SYT1: variants seen among roughly 807,000 people sequenced by gnomAD.
SYT1 encodes synaptotagmin-1.
A neutral mutation model predicts 44.8 loss-of-function variants in SYT1; 8 were observed. The ratio of observed to expected loss-of-function variants is 0.18; its 90% CI spans 0.10 to 0.32. SYT1 has a LOEUF of 0.32. SYT1 is among the 10% of genes least tolerant of loss of function. SYT1 has a pLI of 1.00. For synonymous variants in SYT1, 154 were observed against 188.8 expected, an observed-to-expected ratio of 0.82 and a Z score of 1.51; for missense variants, 286 against 509.3, an observed-to-expected ratio of 0.56 and a Z score of 4.22.
intron 4 of SYT1, among the ~76,000 whole-genome samples, chr12:79,257,225 G>A (rs1426743200): frequency 1.3e-5 from 2 of 152,200 alleles, no homozygotes; most frequent in African/African-American, 4.8e-5. Context: ...TGAAATGTGG[G>A]AAAATAGTCA....
intron 3 of SYT1, among the ~76,000 whole-genome samples, chr12:79,147,990 G>A (rs78080529): frequency 3.7e-4 from 56 of 152,100 alleles, no homozygotes; most frequent in Non-Finnish European, 7.1e-4. Flanking sequence ...ACTTACTGAA[G>A]GTAATTGTAA....
chr12:78,979,989 C>G (rs1011230567), intron 2 of SYT1, among the ~76,000 whole-genome samples: 4 of 152,038 alleles, frequency 2.6e-5, no homozygotes, highest in African/African-American at 9.7e-5. Flanking sequence ...ACGTGAGTGT[C>G]TTACTTTCAG....
chr12:78,950,974 T>A (rs1256075792), intron 1 of SYT1, among the ~76,000 whole-genome samples: 1 of 152,042 alleles, frequency 6.6e-6, no homozygotes, highest in Non-Finnish European at 1.5e-5. Flanking sequence ...CAAATTGACA[T>A]CACCCATGGA....
In SYT1 at chr12:79,418,007, T is replaced by C. The variant is rs573352248; in HGVS notation, c.929-26066T>C. Among the ~76,000 whole-genome samples, 23 of 152,286 alleles carry C rather than the reference T, an allele frequency of 1.5e-4. 2 individuals carry two copies. The South Asian group carries it at 4.8e-3, about 32-fold the overall frequency. On this transcript the variant is annotated intron_variant, in intron 9 of 10. Transcript: ENST00000261205. ...AACCTTACTCTACCGTTACTCCCTC[T>C]GTGAAAAACTCTCCTGCAAAGCTGA...
chr12:78,900,932 A>C (rs1875627401), intron 1 of SYT1, among the ~76,000 whole-genome samples: 1 of 152,140 alleles, frequency 6.6e-6, no homozygotes, highest in Non-Finnish European at 1.5e-5. Context: ...AGAGGCAATT[A>C]AAATCATTTG....
At chr12:79,333,512 T>C (rs1881950015) in intron 8 of SYT1, among the ~76,000 whole-genome samples, 1 of 152,150 alleles carries the variant, frequency 6.6e-6, no homozygotes, top group Non-Finnish European at 1.5e-5. Context: ...TCAGCTACTA[T>C]GTCATCAAGT....
intron 3 of SYT1, among the ~76,000 whole-genome samples, chr12:79,138,066 C>T (rs1869315178): frequency 6.6e-6 from 1 of 152,206 alleles, no homozygotes; most frequent in Non-Finnish European, 1.5e-5. Flanking sequence ...AGAAGGGCAA[C>T]ATAAATAATT....
chr12:79,332,309 T>C (rs1020936014), intron 8 of SYT1, among the ~76,000 whole-genome samples: 1 of 152,220 alleles, frequency 6.6e-6, no homozygotes, highest in Admixed American at 6.5e-5. Context: ...CAAAGGACCA[T>C]TGAATTCCCT....
chr12:78,992,730 A>G (rs7969877), intron 2 of SYT1, among the ~76,000 whole-genome samples: 10,810 of 152,232 alleles, frequency 0.071, 474 homozygotes, highest in East Asian at 0.15. Context: ...GAAGCAGTGC[A>G]GTGATGATCT....
chr12:79,135,033 CTTGA>C (rs770979248), intron 3 of SYT1, among the ~76,000 whole-genome samples: 67 of 151,564 alleles, frequency 4.4e-4, no homozygotes, highest in Non-Finnish European at 4.1e-4. Context: ...TGTTAACTAA[CTTGA>C]TTGTGGTAAT....
chr12:78,923,736 C>T (rs1227628862), intron 1 of SYT1, among the ~76,000 whole-genome samples: 1 of 148,316 alleles, frequency 6.7e-6, no homozygotes, highest in Non-Finnish European at 1.5e-5. Flanking sequence ...TGTGTGTGTA[C>T]ACTTTATTGT....
intron 3 of SYT1, among the ~76,000 whole-genome samples, chr12:79,201,952 A>C (rs559629007): frequency 2.0e-5 from 3 of 152,178 alleles, no homozygotes; most frequent in African/African-American, 7.2e-5. Context: ...AAAAAAGTCT[A>C]AAGAAATGAG....
intron 8 of SYT1, among the ~76,000 whole-genome samples, chr12:79,330,590 C>G (rs1324115977): frequency 2.0e-5 from 3 of 152,144 alleles, no homozygotes; most frequent in African/African-American, 7.2e-5. Flanking sequence ...AACTATATTT[C>G]AGGGCTGTGA....
intron 1 of SYT1, among the ~76,000 whole-genome samples, chr12:78,902,990 C>T (rs1203334566): frequency 2.6e-5 from 4 of 152,064 alleles, no homozygotes; most frequent in Non-Finnish European, 4.4e-5. Context: ...AACGTAAGTT[C>T]TGAAAGAGGA....
intron 3 of SYT1, among the ~76,000 whole-genome samples, chr12:79,179,089 T>TATATAGATATAGATATATAG (rs1872155874): frequency 8.3e-6 from 1 of 120,780 alleles, no homozygotes; most frequent in East Asian, 2.4e-4. Flanking sequence ...TAGATATAGA[T>TATATAGATATAGATATATAG]ATATAGATAT....
chr12:78,887,303 G>A (rs774442993), intron 1 of SYT1, among the ~76,000 whole-genome samples: 1 of 151,846 alleles, frequency 6.6e-6, no homozygotes, highest in Non-Finnish European at 1.5e-5. Flanking sequence ...CTGACTATCG[G>A]TATTACAGTG....
chr12:79,114,079 G>A (rs1254355123), intron 3 of SYT1, among the ~76,000 whole-genome samples: 2 of 152,078 alleles, frequency 1.3e-5, no homozygotes, highest in African/African-American at 2.4e-5. Flanking sequence ...AAAAAGACAA[G>A]GAAAGAGCCT....
At chr12:78,885,577 T>A (rs1592524928) in intron 1 of SYT1, among the ~76,000 whole-genome samples, 1 of 151,662 alleles carries the variant, frequency 6.6e-6, no homozygotes, top group South Asian at 2.1e-4. Context: ...CTGGAAGAGG[T>A]GAGGAATTAA....
At chr12:79,310,190 T>C (rs1487008075) in intron 8 of SYT1, among the ~76,000 whole-genome samples, 1 of 152,102 alleles carries the variant, frequency 6.6e-6, no homozygotes, top group Non-Finnish European at 1.5e-5. Flanking sequence ...AATTAATTTT[T>C]GTATAAGGTG....
Sources: allele counts gnomAD v4.1 joint callset (sites outside exome capture counted in the v4.1 genomes callset), GRCh38; gene constraint gnomAD v4.1.1; transcripts MANE v1.5; gene names NCBI Gene and HGNC (gene_info 2026-07-23, HGNC 2026-07-21).